The following PAMR1 variants were observed in gnomAD, a reference collection of about 807,000 sequenced individuals.
PAMR1 encodes the protein inactive serine protease PAMR1.
A neutral mutation model predicts 81.8 loss-of-function variants in PAMR1; 88 were observed. The observed-to-expected ratio is 1.08, with a 90% confidence interval of 0.91 to 1.28. The LOEUF is 1.28. PAMR1 is among the 50% of genes most tolerant of loss of function. PAMR1 has a pLI of 0.00. For missense variants in PAMR1, 935 were observed against 919.7 expected (o/e 1.02, Z -0.21); for synonymous variants, 336 against 345.3 (o/e 0.97, Z 0.30).
chr11:35,435,248 AAGAGG>A (rs1358526930), intron 9 of PAMR1, among the ~76,000 whole-genome samples: 2 of 152,192 alleles, frequency 1.3e-5, no homozygotes, highest in Non-Finnish European at 2.9e-5. Context: ...TCCTTTCGCA[AAGAGG>A]ATGGGGAAGG....
intron 6 of PAMR1, among the ~76,000 whole-genome samples, chr11:35,462,830 A>C (rs184652746): frequency 2.6e-5 from 4 of 152,326 alleles, no homozygotes; most frequent in Non-Finnish European, 4.4e-5. Flanking sequence ...CTCAGTGTCA[A>C]ACCAAGGTTT....
intron 1 of PAMR1, among the ~76,000 whole-genome samples, chr11:35,496,539 A>T (rs1351460035): frequency 6.6e-6 from 1 of 152,238 alleles, no homozygotes; most frequent in Non-Finnish European, 1.5e-5. Context: ...TCATTTGGGA[A>T]ATGCAAATCA....
At chr11:35,470,167 T>C (rs1363754452) in intron 5 of PAMR1, among the ~76,000 whole-genome samples, 4 of 152,154 alleles carry the variant, frequency 2.6e-5, no homozygotes, top group African/African-American at 9.7e-5. Context: ...ATTACTCCCT[T>C]ATCACTCATT....
At chr11:35,476,300 C>T (rs1216184430) in intron 3 of PAMR1, among the ~76,000 whole-genome samples, 1 of 152,160 alleles carries the variant, frequency 6.6e-6, no homozygotes, top group Non-Finnish European at 1.5e-5. Flanking sequence ...GGCTGTGCCC[C>T]CACCCAAATC....
intron 1 of PAMR1, among the ~76,000 whole-genome samples, chr11:35,498,888 T>C (rs1379716166): frequency 6.6e-6 from 1 of 152,214 alleles, no homozygotes; most frequent in African/African-American, 2.4e-5. Context: ...TCCGTGGTTA[T>C]TTCTGTCTCA....
Position 35,432,154 on chromosome 11 carries a change from C to G in PAMR1, c.*202G>C. ...GCAAGCCCTGGCATCTTCCAATTGG[C>G]TGTCCTAGTAGTGGACGCGGCATCA... is the stretch of plus-strand genomic sequence containing the variant. On this transcript the variant is annotated 3_prime_UTR_variant, in exon 11 of 11. Transcript: ENST00000619888. 1 of 581,416 alleles carries G rather than the reference C, an allele frequency of 1.7e-6. No homozygotes were observed. The allele number at this position is 581,416 out of a possible 1,614,324, so 36.0% of individuals were successfully genotyped here.
At chr11:35,445,463 T>C (rs572405806) in intron 6 of PAMR1, among the ~76,000 whole-genome samples, 2 of 152,350 alleles carry the variant, frequency 1.3e-5, no homozygotes, top group African/African-American at 4.8e-5. Flanking sequence ...TTCAGTATGA[T>C]ATTGGCTGTG....
At position 35,470,799 on chromosome 11, in the gene PAMR1, C is replaced by T. The variant is rs1270537455; in HGVS notation, c.514G>A (p.Glu172Lys). 1.9e-6 allele frequency: 3 copies of T among 1,613,768 alleles called. No individual in the cohort carries two copies. The highest frequency in any genetic ancestry group is 2.5e-6 in the Non-Finnish European group (3 of 1,179,822). ...TCATACTGGCACATGTAGTCAAACT[C>T]CAGGCTCAACATGACAAATCTGTGG... ...IQLRFVMLSL[E>K]FDYMCQYDYV... The change falls in exon 5 of 11, where the codon GAG (glutamate) becomes AAG (lysine). Residue 172 changes from glutamate to lysine, a missense_variant. Transcript: ENST00000619888.
chr11:35,508,158 G>T (rs1441809195), intron 1 of PAMR1, among the ~76,000 whole-genome samples: 1 of 152,144 alleles, frequency 6.6e-6, no homozygotes, highest in Non-Finnish European at 1.5e-5. Flanking sequence ...TGGTTCCTGT[G>T]CACTTTGAGG....
At chr11:35,451,999 C>A in intron 6 of PAMR1, 1 of 597,884 alleles carries the variant, frequency 1.7e-6, no homozygotes, top group Non-Finnish European at 3.0e-6. Flanking sequence ...CTTGTAGCAG[C>A]CCAAACTGAC....
In PAMR1 at chr11:35,472,124, C is replaced by T. The variant is rs539874204; in HGVS notation, c.495-1306G>A. Among the ~76,000 whole-genome samples, 26 of 152,288 alleles carry T rather than the reference C, an allele frequency of 1.7e-4. No individual in the cohort carries two copies. The South Asian group carries it at 5.2e-3, about 30-fold the overall frequency. On this transcript the variant is annotated intron_variant, in intron 4 of 10. Transcript: ENST00000619888. ...CTTTTGGGGTGTAGGTCCTGTGAATCGCATTTTGTACAGCCTGCTCTAACA... is the reference window on the plus strand; with the variant it reads ...CTTTTGGGGTGTAGGTCCTGTGAATTGCATTTTGTACAGCCTGCTCTAACA...
intron 5 of PAMR1, 90 bp downstream of exon 5, chr11:35,470,511 A>G: frequency 2.0e-6 from 2 of 975,938 alleles, no homozygotes; most frequent in Non-Finnish European, 3.2e-6. Flanking sequence ...GGTTTTAATA[A>G]GGATGAGAGG....
chr11:35,499,164 A>C (rs1305877848), intron 1 of PAMR1, among the ~76,000 whole-genome samples: 5 of 152,178 alleles, frequency 3.3e-5, no homozygotes, highest in Non-Finnish European at 7.3e-5. Flanking sequence ...TGGAGCCATG[A>C]GCCAGGAGAG....
At chr11:35,466,596 G>C (rs1046158300) in intron 6 of PAMR1, among the ~76,000 whole-genome samples, 1 of 151,740 alleles carries the variant, frequency 6.6e-6, no homozygotes, top group Non-Finnish European at 1.5e-5. Context: ...GTGTGGTGGC[G>C]GGCGCCTGTA....
At chr11:35,479,896 G>A (rs117972429) in intron 3 of PAMR1, among the ~76,000 whole-genome samples, 1 of 152,310 alleles carries the variant, frequency 6.6e-6, no homozygotes, top group Non-Finnish European at 1.5e-5. Flanking sequence ...GTCAGTACAG[G>A]AAGGTACTCC....
chr11:35,522,518 C>T (rs1851304249), intron 1 of PAMR1, among the ~76,000 whole-genome samples: 1 of 152,138 alleles, frequency 6.6e-6, no homozygotes, highest in Admixed American at 6.6e-5. Flanking sequence ...TGTTATAGCA[C>T]GTATCAGAAT....
intron 6 of PAMR1, among the ~76,000 whole-genome samples, chr11:35,445,676 T>C (rs990855814): frequency 1.1e-4 from 16 of 152,356 alleles, no homozygotes; most frequent in African/African-American, 3.8e-4. Context: ...ATCCTGAGGA[T>C]AAAGCCAACT....
rs558493458 is a variant in PAMR1 at position 35,446,798 on chromosome 11, G to A, written c.821-5105C>T. Among the ~76,000 whole-genome samples the A allele has an allele frequency of 2.6e-5, 4 of 152,292 alleles. No homozygotes were observed. The East Asian group carries it at 7.7e-4, about 29-fold the overall frequency. Reference sequence around the variant, plus strand: ...AGTAAGTGCTATGTGGCACCAAGAAGAATGTTTATTCTTTTGTTTTTGGGT... The same window carrying A: ...AGTAAGTGCTATGTGGCACCAAGAAAAATGTTTATTCTTTTGTTTTTGGGT... On this transcript the variant is annotated intron_variant, in intron 6 of 10. Coordinates refer to ENST00000619888, the MANE Select transcript of PAMR1 (RefSeq NM_001001991.3).
At position 35,451,832 on chromosome 11, in the gene PAMR1, C is replaced by A. The variant is rs141983610; in HGVS notation, c.821-10139G>T. On this transcript the variant is annotated intron_variant, in intron 6 of 10. Transcript: ENST00000619888. ...AAAGAACCCAGAGAGCTCTCCCACC[C>A]TCCTTCTGCCACATGAGGATACAGC... is the stretch of plus-strand genomic sequence containing the variant. 9.7e-5 allele frequency: 64 copies of A among 661,910 alleles called. No homozygotes were observed. In the African/African-American group the frequency reaches 9.7e-4, roughly 10 times the overall value. 41.0% of individuals were successfully genotyped at this position (661,910 alleles called of 1,614,324 possible).
Sources: gnomAD v4.1 joint callset for allele counts (sites outside exome capture counted in the v4.1 genomes callset) on GRCh38, gnomAD v4.1.1 for gene constraint, MANE v1.5 for transcripts, NCBI Gene and HGNC (gene_info 2026-07-23, HGNC 2026-07-21) for gene names.